TNNT3: variants seen among roughly 807,000 people sequenced by gnomAD.
TNNT3 encodes the protein troponin T3, fast skeletal type.
TNNT3 carries 36 observed loss-of-function variants against 54.2 expected under a neutral mutation model. The observed-to-expected ratio is 0.66, with a 90% CI of 0.51 to 0.88. The LOEUF (loss-of-function observed/expected upper bound fraction) is 0.88. Ranked by LOEUF, TNNT3 falls within the 40% of genes least tolerant of loss-of-function variation. TNNT3 has a pLI of 0.00. For missense variants in TNNT3, 291 were observed against 331.6 expected (o/e 0.88, Z 0.95); for synonymous variants, 120 against 109.7 (o/e 1.09, Z -0.59).
At chr11:1,927,126 C>G (rs775960511) in intron 6 of TNNT3, among the ~76,000 whole-genome samples, 2 of 151,606 alleles carry the variant, frequency 1.3e-5, no homozygotes, top group Admixed American at 1.3e-4. Flanking sequence ...AAGCCAGAAG[C>G]GGGAAGGTAG....
At chr11:1,931,464 A>G (rs1416978625) in intron 8 of TNNT3, among the ~76,000 whole-genome samples, 1 of 152,238 alleles carries the variant, frequency 6.6e-6, no homozygotes. Context: ...TTTACATTGC[A>G]GCCTCTGATG....
intron 6 of TNNT3, 117 bp from the exon 7 acceptor site, chr11:1,929,003 G>T (rs754171039): frequency 8.4e-7 from 1 of 1,185,696 alleles, no homozygotes; most frequent in Admixed American, 1.7e-5. Flanking sequence ...GGAGAAGAGA[G>T]TGTCCGAGTG....
At chr11:1,926,646 G>A (rs1589918961) in intron 5 of TNNT3, 49 bp from the exon 6 acceptor site, 1 of 1,612,860 alleles carries the variant, frequency 6.2e-7, no homozygotes, top group East Asian at 2.2e-5. Flanking sequence ...ACTCACACTG[G>A]TCCTCTCTCT....
Position 1,934,348 on chromosome 11 carries a change from G to A in TNNT3, c.383G>A (p.Arg128Lys). The change falls in exon 12 of 16, where the codon AGG becomes AAG. Residue 128 changes from arginine (R) to lysine (K), a missense_variant. Coordinates refer to ENST00000278317, the MANE Select transcript of TNNT3 (RefSeq NM_006757.4). ...TCTCCACAGGAGGAAAAGGCCAGAA[G>A]GGAGGAGGAGGATGCCAAGAGGAGG... ...QNRLAEEKAR[R>K]EEEDAKRRAE... 6.2e-7 allele frequency: 1 copy of A among 1,613,694 alleles called. No homozygotes were observed. Among genetic ancestry groups the A allele is most frequent in the Non-Finnish European group, 8.5e-7 (1 of 1,179,888 alleles).
intron 1 of TNNT3, among the ~76,000 whole-genome samples, chr11:1,920,402 G>A (rs566795486): frequency 6.6e-6 from 1 of 152,320 alleles, no homozygotes; most frequent in East Asian, 1.9e-4. Context: ...GACGGGGCAA[G>A]AGTGAGGGGC....
At chr11:1,923,969 T>G (rs2133259169) in intron 4 of TNNT3, among the ~76,000 whole-genome samples, 1 of 146,644 alleles carries the variant, frequency 6.8e-6, no homozygotes, top group Non-Finnish European at 1.5e-5. Context: ...TCTCTCTCTA[T>G]CTCTACCCTC....
intron 4 of TNNT3, 57 bp from the exon 5 acceptor site, chr11:1,925,042 T>C (rs962223398): frequency 5.0e-6 from 8 of 1,603,052 alleles, no homozygotes; most frequent in Non-Finnish European, 6.0e-6. Context: ...TCACTGTCTC[T>C]GTTCCCTGTC....
intron 6 of TNNT3, among the ~76,000 whole-genome samples, chr11:1,928,192 A>G (rs1252434558): frequency 1.3e-5 from 2 of 152,212 alleles, no homozygotes; most frequent in African/African-American, 4.8e-5. Context: ...ATCGTGTGTC[A>G]ACGGCCTTGC....
At chr11:1,937,247 G>T (rs1039877637) in intron 15 of TNNT3, among the ~76,000 whole-genome samples, 5 of 152,086 alleles carry the variant, frequency 3.3e-5, no homozygotes, top group African/African-American at 1.2e-4. Flanking sequence ...ATCCCAATGG[G>T]GCTTGCCTGT....
intron 14 of TNNT3, chr11:1,936,304 G>A (rs779649996): frequency 1.1e-5 from 18 of 1,601,140 alleles, no homozygotes; most frequent in African/African-American, 9.4e-5. Flanking sequence ...TGCGTTGCAC[G>A]GTGAGGTGAA....
intron 14 of TNNT3, 39 bp from the exon 15 acceptor site, chr11:1,936,924 C>T: frequency 6.3e-7 from 1 of 1,585,574 alleles, no homozygotes; most frequent in East Asian, 2.3e-5. Context: ...CAGGCCTGGC[C>T]CTCGGGTCGT....
chr11:1,934,260 G>T, intron 11 of TNNT3, 72 bp from the exon 12 acceptor site: 4 of 1,413,286 alleles, frequency 2.8e-6, no homozygotes, highest in Non-Finnish European at 4.0e-6. Context: ...CCCAGGGTGG[G>T]TCCCTAAAGC....
At position 1,936,559 on chromosome 11, in the gene TNNT3, G is replaced by A. The variant is rs974219789; in HGVS notation, c.682-404G>A. Among the ~76,000 whole-genome samples the A allele has an allele frequency of 9.9e-5, 15 of 152,198 alleles. 1 individual carries two copies. The highest frequency in any genetic ancestry group is 1.8e-4 in the Non-Finnish European group (12 of 68,024). ...CGGCTGGCCCAGGAGCAGCAGGGCC[G>A]TTCGGAGCTCTGAGCTCAGCGGCTG... On this transcript the variant is annotated intron_variant, in intron 14 of 15. Coordinates refer to ENST00000278317, the MANE Select transcript of TNNT3 (RefSeq NM_006757.4).
chr11:1,927,512 C>T (rs989771059), intron 6 of TNNT3, among the ~76,000 whole-genome samples: 14 of 152,154 alleles, frequency 9.2e-5, no homozygotes, highest in African/African-American at 3.1e-4. Context: ...CGGAGAGGCC[C>T]CTGGACAAGA....
At chr11:1,927,144 T>G (rs1589923576) in intron 6 of TNNT3, among the ~76,000 whole-genome samples, 3 of 148,442 alleles carry the variant, frequency 2.0e-5, no homozygotes, top group Non-Finnish European at 3.0e-5. Context: ...TAGGGAGGGG[T>G]GAGGTGGAAG....
At chr11:1,935,173 G>A (rs894171393) in intron 14 of TNNT3, 7 of 577,250 alleles carry the variant, frequency 1.2e-5, no homozygotes, top group Non-Finnish European at 2.2e-5. Flanking sequence ...GGCGGCCTTG[G>A]TTACCCCTGC....
chr11:1,922,245 G>C (rs1266005396), intron 1 of TNNT3, among the ~76,000 whole-genome samples: 1 of 152,190 alleles, frequency 6.6e-6, no homozygotes, highest in Non-Finnish European at 1.5e-5. Context: ...AGAGGGGTGT[G>C]GTGGGACACA....
At chr11:1,930,154 T>C (rs1378926385) in intron 8 of TNNT3, among the ~76,000 whole-genome samples, 3 of 152,082 alleles carry the variant, frequency 2.0e-5, no homozygotes, top group Non-Finnish European at 4.4e-5. Context: ...CAAGGAGGGC[T>C]TCCTGTAGGA....
intron 1 of TNNT3, chr11:1,921,572 G>C (rs918829718): frequency 3.9e-5 from 6 of 152,162 alleles, no homozygotes; most frequent in African/African-American, 1.4e-4. Context: ...AGAGATTCTG[G>C]GATAGGAAAA....
Sources: allele counts gnomAD v4.1 joint callset (sites outside exome capture counted in the v4.1 genomes callset), GRCh38; gene constraint gnomAD v4.1.1; transcripts MANE v1.5; gene names NCBI Gene and HGNC (gene_info 2026-07-23, HGNC 2026-07-21).